The following ADGRA3 variants were observed in gnomAD, a reference collection of about 807,000 sequenced individuals.
The protein encoded by ADGRA3 is adhesion G protein-coupled receptor A3.
ADGRA3 carries 56 observed loss-of-function variants against 119.8 expected under a neutral mutation model. That is an observed-to-expected ratio of 0.47 (90% confidence interval 0.38 to 0.58). The LOEUF is 0.58. Ranked by LOEUF, ADGRA3 falls within the 20% of genes least tolerant of loss-of-function variation. ADGRA3 has a pLI of 0.00. For missense variants in ADGRA3, 1,516 were observed against 1,649.0 expected, an observed-to-expected ratio of 0.92 and a Z score of 1.40; for synonymous variants, 607 against 623.8, an observed-to-expected ratio of 0.97 and a Z score of 0.40.
At chr4:22,508,986 C>T (rs923758137) in intron 1 of ADGRA3, among the ~76,000 whole-genome samples, 1 of 152,046 alleles carries the variant, frequency 6.6e-6, no homozygotes, top group Non-Finnish European at 1.5e-5. Flanking sequence ...TCACGCCTGC[C>T]TTGACACCCA....
intron 12 of ADGRA3, among the ~76,000 whole-genome samples, chr4:22,416,589 C>G (rs1159143433): frequency 6.6e-6 from 1 of 152,150 alleles, no homozygotes. Flanking sequence ...AGGGAACTGT[C>G]GGTGGTATTT....
intron 1 of ADGRA3, among the ~76,000 whole-genome samples, chr4:22,502,399 T>C (rs897389656): frequency 6.6e-6 from 1 of 152,096 alleles, no homozygotes; most frequent in African/African-American, 2.4e-5. Flanking sequence ...ATGCTGGAAA[T>C]GATGACAGGC....
At chr4:22,430,583 C>T (rs191748034) in intron 10 of ADGRA3, among the ~76,000 whole-genome samples, 8 of 151,808 alleles carry the variant, frequency 5.3e-5, no homozygotes, top group East Asian at 1.9e-4. Flanking sequence ...ACTTGAGTGC[C>T]GTAAAGGGCA....
At chr4:22,457,760 A>T (rs142676589) in intron 3 of ADGRA3, among the ~76,000 whole-genome samples, 2 of 150,700 alleles carry the variant, frequency 1.3e-5, no homozygotes, top group African/African-American at 5.0e-5. Context: ...TAGTCTGCAG[A>T]ATCTAAAACA....
chr4:22,455,455 GA>G (rs142233845), intron 3 of ADGRA3, among the ~76,000 whole-genome samples: 14 of 147,552 alleles, frequency 9.5e-5, no homozygotes, highest in South Asian at 2.1e-4. Flanking sequence ...CAACTATAAT[GA>G]AAAAAAAAAC....
intron 3 of ADGRA3, among the ~76,000 whole-genome samples, 169 bp downstream of exon 3, chr4:22,461,568 G>A (rs1717456554): frequency 6.6e-6 from 1 of 152,204 alleles, no homozygotes; most frequent in Admixed American, 6.5e-5. Context: ...CCAAAGTGCT[G>A]GGAATACAGG....
At chr4:22,392,491 T>A (rs554859657) in intron 17 of ADGRA3, 54 bp downstream of exon 17, 1 of 1,586,124 alleles carries the variant, frequency 6.3e-7, no homozygotes, top group East Asian at 2.2e-5. Flanking sequence ...TAATTTATGA[T>A]TATGCTTCAA....
intron 12 of ADGRA3, 114 bp downstream of exon 12, chr4:22,420,772 C>T (rs2109034599): frequency 2.1e-6 from 2 of 970,576 alleles, no homozygotes; most frequent in Admixed American, 2.0e-5. Context: ...AGCAATAATA[C>T]CTATCTTCCT....
chr4:22,436,104 C>T (rs954775622), intron 9 of ADGRA3, among the ~76,000 whole-genome samples: 1 of 152,016 alleles, frequency 6.6e-6, no homozygotes, highest in Non-Finnish European at 1.5e-5. Flanking sequence ...TCTAAGCAAT[C>T]GCTTTCAACA....
At position 22,473,793 on chromosome 4, in the gene ADGRA3, C is replaced by T; in HGVS notation, c.308G>A (p.Gly103Glu). The T allele has an allele frequency of 3.1e-6, 5 of 1,602,864 alleles. No homozygotes were observed. The highest frequency in any genetic ancestry group is 4.3e-6 in the Non-Finnish European group (5 of 1,172,742). ...TCACAATCTTTCAAGGAGACTTAAC[C>T]CAGAAAATGAGCCATTCTTCAGCTC... is the stretch of plus-strand genomic sequence containing the variant. ...ISELKNGSFSGLSLLERLDLR... is the reference protein window; with the variant it reads ...ISELKNGSFSELSLLERLDLR... The change falls in exon 2 of 19, where the codon GGG (glycine) becomes GAG (glutamate). Residue 103 changes from glycine to glutamate, a missense_variant. Around this residue, in one of 2 missense-constraint regions of ADGRA3, gnomAD observed 428 missense variants for 541.9 expected, o/e 0.79. Coordinates refer to ENST00000334304, the MANE Select transcript of ADGRA3 (RefSeq NM_145290.4).
chr4:22,473,946 T>C (rs1717948855), intron 1 of ADGRA3, 103 bp from the exon 2 acceptor site: 2 of 620,856 alleles, frequency 3.2e-6, no homozygotes, highest in South Asian at 3.4e-5. Context: ...TAAGACATCA[T>C]TTATTAGCCA....
chr4:22,434,466 T>A (rs1365032730), intron 10 of ADGRA3, among the ~76,000 whole-genome samples: 3 of 152,118 alleles, frequency 2.0e-5, no homozygotes, highest in Non-Finnish European at 2.9e-5. Context: ...AAAACTCTTA[T>A]GGATGAGTCA....
At chr4:22,463,295 CCA>C (rs1375924372) in intron 2 of ADGRA3, among the ~76,000 whole-genome samples, 3 of 152,196 alleles carry the variant, frequency 2.0e-5, no homozygotes, top group Non-Finnish European at 2.9e-5. Context: ...GCCAAAGTAA[CCA>C]GTACCTCCAG....
intron 10 of ADGRA3, among the ~76,000 whole-genome samples, chr4:22,430,009 G>A (rs1311375055): frequency 6.6e-6 from 1 of 152,098 alleles, no homozygotes; most frequent in African/African-American, 2.4e-5. Context: ...TAAGTCTCAC[G>A]ATATCTGATG....
At chr4:22,469,566 C>T (rs1175033849) in intron 2 of ADGRA3, among the ~76,000 whole-genome samples, 1 of 152,164 alleles carries the variant, frequency 6.6e-6, no homozygotes, top group East Asian at 1.9e-4. Context: ...CCAAACATAC[C>T]ACTTCTTTGA....
intron 1 of ADGRA3, among the ~76,000 whole-genome samples, chr4:22,490,922 C>T (rs1312779753): frequency 1.3e-5 from 2 of 152,050 alleles, no homozygotes; most frequent in African/African-American, 2.4e-5. Flanking sequence ...GTGAGCAGAT[C>T]CTCTAGTCAG....
intron 17 of ADGRA3, among the ~76,000 whole-genome samples, chr4:22,389,816 T>G (rs1242307197): frequency 6.6e-6 from 1 of 152,094 alleles, no homozygotes; most frequent in Non-Finnish European, 1.5e-5. Flanking sequence ...CAGTGACTGG[T>G]CCTACAAAGA....
At chr4:22,447,324 C>T in intron 5 of ADGRA3, 116 bp downstream of exon 5, 1 of 658,116 alleles carries the variant, frequency 1.5e-6, no homozygotes, top group Non-Finnish European at 2.6e-6. Flanking sequence ...TCAAGTGAGA[C>T]TCTACCTTGA....
At chr4:22,459,049 T>C (rs1372388316) in intron 3 of ADGRA3, among the ~76,000 whole-genome samples, 2 of 152,062 alleles carry the variant, frequency 1.3e-5, no homozygotes, top group African/African-American at 4.8e-5. Flanking sequence ...TTTCTTAATC[T>C]TACAGAATTC....
Sources: gnomAD v4.1 joint callset for allele counts (sites outside exome capture counted in the v4.1 genomes callset) on GRCh38, gnomAD v4.1.1 for gene constraint, gnomAD v4.1.1 regional missense constraint, MANE v1.5 for transcripts, NCBI Gene and HGNC (gene_info 2026-07-23, HGNC 2026-07-21) for gene names.